NCOR2: variants seen among roughly 807,000 people sequenced by gnomAD.
NCOR2 encodes the protein nuclear receptor corepressor 2.
Under a neutral mutation model 262.9 loss-of-function variants are expected in NCOR2, and 81 were observed. That is an observed-to-expected ratio of 0.31 (90% CI 0.26 to 0.37). NCOR2 has a LOEUF of 0.37. NCOR2 is among the 10% of genes least tolerant of loss of function. The probability of loss-of-function intolerance (pLI) is 1.00; values close to 1 mark genes in which losing one functional copy is unlikely to be tolerated. For synonymous variants in NCOR2, 1,659 were observed against 1,559.3 expected, an observed-to-expected ratio of 1.06 and a Z score of -1.51; for missense variants, 3,385 against 3,621.4, an observed-to-expected ratio of 0.93 and a Z score of 1.68.
At chr12:124,339,016 A>C (rs114910742) in intron 37 of NCOR2, among the ~76,000 whole-genome samples, 5,625 of 119,048 alleles carry the variant, frequency 0.047, 208 homozygotes, top group African/African-American at 0.12. Flanking sequence ...CAGCGTCTAT[A>C]CTCTCACCCA....
Position 124,531,648 on chromosome 12 carries a change from G to A in NCOR2, c.-118+3917C>T, listed in dbSNP as rs554719663. Among the ~76,000 whole-genome samples the A allele has an allele frequency of 1.3e-5, 2 of 152,090 alleles. No individual in the cohort carries two copies. Among genetic ancestry groups the A allele is most frequent in the East Asian group, 3.9e-4 (2 of 5,158 alleles). On this transcript the variant is annotated intron_variant, in intron 1 of 46. Transcript: ENST00000404621. The surrounding 1 kb of genome is among the most constrained non-coding windows in gnomAD (Gnocchi z 4.5). Reference sequence around the variant, plus strand: ...TGGCGCAGACAGGGAAGGGCAGGGGGCCCTGAATTGCTCTCCTCCCCACCC... The same window carrying A: ...TGGCGCAGACAGGGAAGGGCAGGGGACCCTGAATTGCTCTCCTCCCCACCC...
chr12:124,350,515 C>T (rs2037360313), intron 28 of NCOR2, 72 bp downstream of exon 30: 3 of 1,553,794 alleles, frequency 1.9e-6, no homozygotes, highest in Non-Finnish European at 1.7e-6. Flanking sequence ...CCCTGCCTCC[C>T]TGTGAAGCTA....
intron 22 of NCOR2, among the ~76,000 whole-genome samples, chr12:124,360,301 G>A (rs997766265): frequency 6.6e-5 from 10 of 152,224 alleles, no homozygotes; most frequent in Admixed American, 1.3e-4. Context: ...CAGTTCCAGC[G>A]AGACATCCCT....
At chr12:124,348,228 A>G (rs938640240) in exon 29 of NCOR2, 5 of 1,612,850 alleles carry the variant, frequency 3.1e-6, no homozygotes, top group Middle Eastern at 1.6e-4. Flanking sequence ...ATCATGTCAT[A>G]GGTGCGCTTG....
In NCOR2 at chr12:124,440,746, G is replaced by A. The variant is rs2044756941; in HGVS notation, c.816-2750C>T. Reference sequence around the variant, plus strand: ...ACTTAAATGGAATGGTGGGCTAGTGGGTGCTGGGGGACGGGGTGTGAGGGG... The same window carrying A: ...ACTTAAATGGAATGGTGGGCTAGTGAGTGCTGGGGGACGGGGTGTGAGGGG... On this transcript the variant is annotated intron_variant, in intron 7 of 46. Transcript: ENST00000405201. This position sits in a 1 kb window ranked among gnomAD's most constrained non-coding sequence, Gnocchi z 5.7. Among the ~76,000 whole-genome samples, 1 of 152,224 alleles carries A rather than the reference G, an allele frequency of 6.6e-6. No homozygotes were observed. The highest frequency in any genetic ancestry group is 2.1e-4 in the South Asian group (1 of 4,834).
chr12:124,332,578 C>A, intron 42 of NCOR2, 111 bp from the exon 45 acceptor site: 2 of 1,382,110 alleles, frequency 1.4e-6, no homozygotes, highest in Non-Finnish European at 2.0e-6. Context: ...GCAAGCTTCA[C>A]CCGCCCCCAC....
chr12:124,378,139 CAG>C lies in NCOR2; in HGVS notation c.2167+96_2167+97del, dbSNP rs1033588363. ...CCTTCTAAGGAGGACCCAGATGACT[CAG>C]GGGAGAGGAGGCTGCCGGGATCAGT... On this transcript the variant is annotated intron_variant, in intron 18 of 46. Coordinates refer to ENST00000405201, the Ensembl canonical transcript of NCOR2. The surrounding 1 kb of genome is among the most constrained non-coding windows in gnomAD (Gnocchi z 4.2). The C allele has an allele frequency of 5.2e-6, 8 of 1,531,980 alleles. No homozygotes were observed. The highest frequency in any genetic ancestry group is 3.8e-5 in the South Asian group (3 of 78,208). 94.9% of individuals were successfully genotyped at this position (1,531,980 alleles called of 1,614,324 possible). A position where few individuals can be genotyped will look rare whatever the true frequency, so the allele number is the denominator to read the frequency against.
At position 124,344,863 on chromosome 12, in the gene NCOR2, G is replaced by A. The variant is rs775950602; in HGVS notation, c.4448C>T (p.Thr1483Met). The change falls in exon 32 of 47, where the codon ACG becomes ATG. Residue 1483 changes from threonine (T) to methionine (M), a missense_variant. Thr to Met is a moderately conservative substitution (Grantham distance 81, BLOSUM62 -1). Coordinates refer to ENST00000405201, the Ensembl canonical transcript of NCOR2. ...ATCCAGCGGGTGCACGGGTGGGAAC[G>A]TCCGGCCGGGGCTGCCGATGAGGGA... 5.5e-5 allele frequency: 86 copies of A among 1,574,306 alleles called. 1 individual carries two copies. In the South Asian group the frequency reaches 5.6e-4, roughly 10 times the overall value.
chr12:124,501,058 GCGCGCACACACACACA>G (rs1459689112), intron 1 of NCOR2, among the ~76,000 whole-genome samples: 11 of 66,216 alleles, frequency 1.7e-4, no homozygotes, highest in African/African-American at 5.7e-4. Flanking sequence ...GCGCGCGCAC[GCGCGCACACACACACA>G]CACACACACA....
intron 13 of NCOR2, among the ~76,000 whole-genome samples, chr12:124,414,859 G>C (rs975792002): frequency 2.6e-5 from 4 of 152,234 alleles, no homozygotes; most frequent in South Asian, 4.1e-4. Context: ...ATGAGGGAGA[G>C]AGAAGCATGG....
At chr12:124,346,564 C>A in exon 31 of NCOR2, 1 of 1,546,298 alleles carries the variant, frequency 6.5e-7, no homozygotes, top group Non-Finnish European at 8.7e-7. Context: ...TGGGCCATAC[C>A]TGCGTGATGG....
exon 41 of NCOR2, chr12:124,334,478 G>C: frequency 6.8e-7 from 1 of 1,469,260 alleles, no homozygotes. Context: ...ATGGTCCGGG[G>C]GCGGGAGGTA....
chr12:124,416,939 A>G (rs897768532), intron 13 of NCOR2, among the ~76,000 whole-genome samples: 15 of 152,236 alleles, frequency 9.9e-5, no homozygotes, highest in Non-Finnish European at 1.9e-4. Context: ...CTGAACAACC[A>G]GCATGAAGCT....
At chr12:124,329,474 C>A (rs1012364968) in intron 44 of NCOR2, among the ~76,000 whole-genome samples, 2 of 151,150 alleles carry the variant, frequency 1.3e-5, no homozygotes, top group African/African-American at 4.9e-5. Flanking sequence ...AACAGACAAA[C>A]AAACAAACAC....
At chr12:124,526,376 C>G (rs536210910) in intron 1 of NCOR2, among the ~76,000 whole-genome samples, 11 of 152,252 alleles carry the variant, frequency 7.2e-5, no homozygotes, top group Admixed American at 7.2e-4. Context: ...ACAAGTACAC[C>G]CTGTAAAGTA....
rs545094759 is a variant in NCOR2, at chr12:124,417,496, G to C, written c.1482+2461C>G. ...GCCCCCAGCCCAGCTACCAGGAAGG[G>C]CTCCCACCACAAGCCCAGCCTCAAT... On this transcript the variant is annotated intron_variant, in intron 13 of 46. Coordinates refer to ENST00000405201, the Ensembl canonical transcript of NCOR2. 6.6e-5 allele frequency among the ~76,000 whole-genome samples: 10 copies of C among 152,268 alleles called. No homozygotes were observed. The East Asian group carries it at 1.9e-3, about 29-fold the overall frequency.
chr12:124,422,594 G>A (rs1288965487), intron 11 of NCOR2, 39 bp from the exon 14 acceptor site: 53 of 1,611,886 alleles, frequency 3.3e-5, no homozygotes, highest in Non-Finnish European at 4.2e-5. Context: ...CCTGGCCGAG[G>A]GGGGCTTTCC....
intron 22 of NCOR2, among the ~76,000 whole-genome samples, chr12:124,360,962 C>T (rs2038532097): frequency 6.6e-6 from 1 of 152,128 alleles, no homozygotes; most frequent in Non-Finnish European, 1.5e-5. Flanking sequence ...TCCTCTTCTC[C>T]CTACCTAATC....
chr12:124,513,465 A>G (rs2049533419), intron 1 of NCOR2: 1 of 152,214 alleles, frequency 6.6e-6, no homozygotes, highest in Non-Finnish European at 1.5e-5. Context: ...CCCGCCTCGG[A>G]AGATAGGGAT....
Sources: allele counts gnomAD v4.1 joint callset (sites outside exome capture counted in the v4.1 genomes callset), GRCh38; gene constraint gnomAD v4.1.1; non-coding constraint Gnocchi (gnomAD v3.1); transcripts MANE v1.5; gene names NCBI Gene and HGNC (gene_info 2026-07-23, HGNC 2026-07-21).